The following TPTE2 variants were observed in gnomAD, a reference collection of about 807,000 sequenced individuals.
TPTE2 encodes the protein transmembrane phosphoinositide 3-phosphatase and tensin homolog 2, also known as phosphatidylinositol 3,4,5-trisphosphate 3-phosphatase TPTE2.
In TPTE2, 53 loss-of-function variants were observed where a neutral mutation model predicts 78.6. The ratio of observed to expected loss-of-function variants is 0.67; its 90% CI spans 0.54 to 0.85. The LOEUF is 0.85. Ranked by LOEUF, TPTE2 falls within the 40% of genes least tolerant of loss-of-function variation. TPTE2 has a pLI of 0.00. For synonymous variants in TPTE2, 175 were observed against 206.2 expected, an observed-to-expected ratio of 0.85 and a Z score of 1.30; for missense variants, 461 against 623.0, an observed-to-expected ratio of 0.74 and a Z score of 2.77.
At chr13:19,429,865 C>T (rs377249438) in intron 17 of TPTE2, among the ~76,000 whole-genome samples, 1 of 152,046 alleles carries the variant, frequency 6.6e-6, no homozygotes, top group Non-Finnish European at 1.5e-5. Context: ...CATTGACTAC[C>T]AGGTCCCTTT....
At chr13:19,467,156 G>A (rs1262668238) in intron 7 of TPTE2, 69 bp downstream of exon 10, 29 of 1,428,024 alleles carry the variant, frequency 2.0e-5, no homozygotes, top group Non-Finnish European at 2.7e-5. Flanking sequence ...AGATTATATA[G>A]AATAAAAGCC....
At chr13:19,480,015 A>G (rs1263739767) in intron 4 of TPTE2, among the ~76,000 whole-genome samples, 5 of 152,246 alleles carry the variant, frequency 3.3e-5, no homozygotes, top group Admixed American at 1.3e-4. Context: ...TTAAAACACT[A>G]AAAGTTCCAA....
chr13:19,497,460 G>T (rs556848560), intron 1 of TPTE2, among the ~76,000 whole-genome samples: 1 of 112,504 alleles, frequency 8.9e-6, no homozygotes, highest in African/African-American at 2.9e-5. Context: ...TCTGAGAACG[G>T]GCAGACTGCC....
intron 1 of TPTE2, among the ~76,000 whole-genome samples, chr13:19,496,379 G>A (rs1881312084): frequency 6.6e-6 from 1 of 152,188 alleles, no homozygotes; most frequent in Non-Finnish European, 1.5e-5. Flanking sequence ...TTTTGTGGGT[G>A]AATTTCTTTT....
intron 1 of TPTE2, among the ~76,000 whole-genome samples, chr13:19,529,173 C>T (rs73164669): frequency 3.7e-4 from 57 of 152,242 alleles, no homozygotes; most frequent in Middle Eastern, 3.4e-3. Context: ...TAACCCAAGG[C>T]AACTGATAGG....
At chr13:19,467,441 G>C in intron 6 of TPTE2, 97 bp from the exon 10 acceptor site, 1 of 902,876 alleles carries the variant, frequency 1.1e-6, no homozygotes, top group South Asian at 2.8e-5. Context: ...TCCCCATTAA[G>C]AATTCTACTA....
At chr13:19,522,901 C>G (rs778991498) in intron 1 of TPTE2, among the ~76,000 whole-genome samples, 2 of 152,146 alleles carry the variant, frequency 1.3e-5, no homozygotes, top group Non-Finnish European at 2.9e-5. Flanking sequence ...GCTGGAATTA[C>G]AGGCATGAGC....
At chr13:19,477,773 CT>C (rs1283607471) in intron 4 of TPTE2, among the ~76,000 whole-genome samples, 1 of 152,108 alleles carries the variant, frequency 6.6e-6, no homozygotes, top group Non-Finnish European at 1.5e-5. Context: ...ACAATTGAGA[CT>C]TTTTTGGTTA....
chr13:19,427,003 C>A (rs2137460089), intron 17 of TPTE2, among the ~76,000 whole-genome samples: 2 of 149,470 alleles, frequency 1.3e-5, no homozygotes, highest in African/African-American at 4.9e-5. Context: ...TGCACCCGGC[C>A]TGTTGTTTAT....
intron 15 of TPTE2, among the ~76,000 whole-genome samples, chr13:19,434,133 T>C (rs1353951384): frequency 2.0e-5 from 3 of 151,734 alleles, no homozygotes; most frequent in Non-Finnish European, 4.4e-5. Flanking sequence ...GAGAAAAGGG[T>C]GGAAAGATGG....
the TPTE2 span, among the ~76,000 whole-genome samples, chr13:19,554,962 G>T: frequency 1.3e-5 from 2 of 152,092 alleles, no homozygotes; most frequent in Admixed American, 1.3e-4. Flanking sequence ...TCTTTTACTT[G>T]GTGGTCACTG....
At chr13:19,543,059 C>CTT in the TPTE2 span, among the ~76,000 whole-genome samples, 3 of 144,770 alleles carry the variant, frequency 2.1e-5, no homozygotes, top group African/African-American at 7.6e-5. Context: ...ATTTCTTTTT[C>CTT]TTTTTTTTTT....
exon 18 of TPTE2, chr13:19,426,505 T>A (rs764402185): frequency 6.4e-7 from 1 of 1,568,172 alleles, no homozygotes; most frequent in East Asian, 2.2e-5. Flanking sequence ...TCTGTTTCAA[T>A]GTCATGCAAT....
intron 1 of TPTE2, among the ~76,000 whole-genome samples, chr13:19,509,885 G>A (rs1479537992): frequency 1.3e-5 from 2 of 152,078 alleles, no homozygotes; most frequent in Non-Finnish European, 2.9e-5. Context: ...GTGGTATTTG[G>A]AAAATCAGCC....
At chr13:19,491,162 G>A (rs527241621) in intron 3 of TPTE2, among the ~76,000 whole-genome samples, 2 of 152,270 alleles carry the variant, frequency 1.3e-5, no homozygotes, top group South Asian at 2.1e-4. Context: ...TTTTGTGTGT[G>A]TCTATGTGTG....
chr13:19,433,887 A>T (rs1876869989), intron 15 of TPTE2, among the ~76,000 whole-genome samples: 1 of 152,216 alleles, frequency 6.6e-6, no homozygotes, highest in African/African-American at 2.4e-5. Context: ...ACTGCAGAAG[A>T]AATGGGGATG....
chr13:19,474,171 A>G, intron 5 of TPTE2, 96 bp from the exon 9 acceptor site: 1 of 1,193,514 alleles, frequency 8.4e-7, no homozygotes. Flanking sequence ...TATTTAAGCC[A>G]CTGATCAGGT....
At chr13:19,483,980 A>C (rs983961912) in intron 3 of TPTE2, among the ~76,000 whole-genome samples, 1 of 133,760 alleles carries the variant, frequency 7.5e-6, no homozygotes, top group Non-Finnish European at 1.5e-5. Flanking sequence ...CCCGTGTCCA[A>C]GTGTTCTCAT....
chr13:19,469,873 T>C (rs944293872), intron 6 of TPTE2, among the ~76,000 whole-genome samples: 2 of 152,262 alleles, frequency 1.3e-5, no homozygotes, highest in African/African-American at 2.4e-5. Context: ...ATATTGATTT[T>C]GTATCCTGCA....
Sources: gnomAD v4.1 joint callset for allele counts (sites outside exome capture counted in the v4.1 genomes callset) on GRCh38, gnomAD v4.1.1 for gene constraint, MANE v1.5 for transcripts, NCBI Gene and HGNC (gene_info 2026-07-23, HGNC 2026-07-21) for gene names.